The following EFR3A variants were observed in gnomAD, a reference collection of about 807,000 sequenced individuals.
EFR3A encodes protein EFR3 homolog A.
A neutral mutation model predicts 104.4 loss-of-function variants in EFR3A; 76 were observed. The ratio of observed to expected loss-of-function variants is 0.73; its 90% CI spans 0.60 to 0.88. The LOEUF is 0.88. Ranked by LOEUF, EFR3A falls within the 40% of genes least tolerant of loss-of-function variation. EFR3A has a pLI of 0.00. For synonymous variants in EFR3A, 330 were observed against 330.0 expected, an observed-to-expected ratio of 1.00 and a Z score of 0.00; for missense variants, 985 against 1,012.5, an observed-to-expected ratio of 0.97 and a Z score of 0.37.
intron 9 of EFR3A, among the ~76,000 whole-genome samples, chr8:131,968,707 T>C (rs6471018): frequency 0.87 from 132,351 of 152,138 alleles, 57,744 homozygotes; most frequent in East Asian, 0.94. Context: ...AATGCAGATA[T>C]AAGAAACTGA....
intron 8 of EFR3A, among the ~76,000 whole-genome samples, chr8:131,961,553 G>A (rs1475790988): frequency 2.0e-5 from 3 of 152,138 alleles, no homozygotes; most frequent in African/African-American, 7.2e-5. Flanking sequence ...AAGAAATATG[G>A]GACTACGTGA....
At chr8:132,008,746 A>G (rs1353641140) in intron 22 of EFR3A, among the ~76,000 whole-genome samples, 1 of 147,404 alleles carries the variant, frequency 6.8e-6, no homozygotes, top group Non-Finnish European at 1.5e-5. Context: ...GGGGTGATTG[A>G]AAGTGTTCAG....
intron 1 of EFR3A, among the ~76,000 whole-genome samples, chr8:131,939,360 T>G (rs2130547028): frequency 6.6e-6 from 1 of 152,242 alleles, no homozygotes; most frequent in Non-Finnish European, 1.5e-5. Flanking sequence ...ACTAGACACT[T>G]CACCATTTGC....
intron 22 of EFR3A, among the ~76,000 whole-genome samples, chr8:132,005,925 C>CCACA (rs1822022517): frequency 6.6e-6 from 1 of 152,050 alleles, no homozygotes; most frequent in African/African-American, 2.4e-5. Context: ...TGAGTATGTT[C>CCACA]TCTTGCCACA....
In EFR3A at chr8:131,979,714, C is replaced by T. The variant is rs192078184; in HGVS notation, c.1575+293C>T. Among the ~76,000 whole-genome samples the T allele has an allele frequency of 8.5e-5, 13 of 152,230 alleles. No homozygotes were observed. The East Asian group carries it at 1.5e-3, about 18-fold the overall frequency. ...GCAGTCCTCTCCCACTAAAAACACA[C>T]GTACTGATTCCTCTTTTAGCAGCTC... is the stretch of plus-strand genomic sequence containing the variant. On this transcript the variant is annotated intron_variant, in intron 14 of 22. Coordinates refer to ENST00000254624, the MANE Select transcript of EFR3A (RefSeq NM_015137.6).
At chr8:131,954,262 T>A (rs950487249) in intron 6 of EFR3A, among the ~76,000 whole-genome samples, 1 of 152,136 alleles carries the variant, frequency 6.6e-6, no homozygotes, top group African/African-American at 2.4e-5. Flanking sequence ...TAATGGATAC[T>A]ACTTAAAGTT....
intron 10 of EFR3A, among the ~76,000 whole-genome samples, chr8:131,974,005 G>T (rs751426766): frequency 2.0e-5 from 3 of 152,128 alleles, no homozygotes; most frequent in Non-Finnish European, 2.9e-5. Flanking sequence ...TAACATCAGA[G>T]ATAGTGGACT....
chr8:131,983,512 T>A (rs140387735), intron 14 of EFR3A, among the ~76,000 whole-genome samples: 1 of 152,040 alleles, frequency 6.6e-6, no homozygotes, highest in Non-Finnish European at 1.5e-5. Context: ...ATTATAATAA[T>A]AAATAATAAA....
At chr8:132,005,960 A>T (rs1204106297) in intron 22 of EFR3A, among the ~76,000 whole-genome samples, 5 of 152,238 alleles carry the variant, frequency 3.3e-5, no homozygotes, top group Non-Finnish European at 7.3e-5. Context: ...GCATTAACAC[A>T]TATCTAGAAA....
chr8:132,012,004 C>G lies in EFR3A; in HGVS notation c.*1109C>G, dbSNP rs1298505215. The G allele has an allele frequency of 6.6e-6, 1 of 152,130 alleles. No homozygotes were observed. The highest frequency in any genetic ancestry group is 1.5e-5 in the Non-Finnish European group (1 of 68,024). 9.4% of individuals were successfully genotyped at this position (152,130 alleles called of 1,614,324 possible). On this transcript the variant is annotated 3_prime_UTR_variant, in exon 23 of 23. Transcript: ENST00000254624. Reference sequence around the variant, plus strand: ...TTCAGCTACCAAGATCACAGGTGCACTCTACACATAACACTGACAGACCCA... The same window carrying G: ...TTCAGCTACCAAGATCACAGGTGCAGTCTACACATAACACTGACAGACCCA...
chr8:131,948,615 A>T (rs1284779498), intron 4 of EFR3A, among the ~76,000 whole-genome samples: 1 of 152,128 alleles, frequency 6.6e-6, no homozygotes, highest in East Asian at 1.9e-4. Context: ...AAAGTGGCTT[A>T]CTAGCTAGGG....
chr8:131,940,417 T>C, intron 1 of EFR3A, 82 bp from the exon 2 acceptor site: 2 of 1,313,298 alleles, frequency 1.5e-6, no homozygotes, highest in South Asian at 1.3e-5. Context: ...ATATAGCCCA[T>C]TAATATTCAG....
intron 7 of EFR3A, among the ~76,000 whole-genome samples, chr8:131,957,651 G>T (rs1055750384): frequency 2.0e-5 from 3 of 152,090 alleles, no homozygotes; most frequent in Non-Finnish European, 4.4e-5. Context: ...CACCCTGCCA[G>T]GGCCAGTATC....
intron 7 of EFR3A, among the ~76,000 whole-genome samples, chr8:131,956,258 T>C (rs1563661531): frequency 6.6e-6 from 1 of 152,210 alleles, no homozygotes. Flanking sequence ...TGGTCAGTTT[T>C]TCCTGGTCCC....
intron 8 of EFR3A, among the ~76,000 whole-genome samples, chr8:131,965,666 A>G (rs1330844562): frequency 1.3e-5 from 2 of 152,162 alleles, no homozygotes. Context: ...TTCCTCAGGG[A>G]TCTAGAACTA....
At chr8:131,966,532 A>G (rs1170453647) in intron 8 of EFR3A, among the ~76,000 whole-genome samples, 1 of 152,186 alleles carries the variant, frequency 6.6e-6, no homozygotes, top group Non-Finnish European at 1.5e-5. Flanking sequence ...AATAGACACA[A>G]TTTGGGTGCT....
At chr8:131,938,448 A>G (rs1239893672) in intron 1 of EFR3A, 2 of 383,244 alleles carry the variant, frequency 5.2e-6, no homozygotes, top group Non-Finnish European at 9.2e-6. Context: ...TGTCTTTGAT[A>G]TAATTTTATA....
At chr8:131,911,563 C>G (rs117553613) in intron 1 of EFR3A, among the ~76,000 whole-genome samples, 3 of 152,276 alleles carry the variant, frequency 2.0e-5, no homozygotes, top group Non-Finnish European at 4.4e-5. Context: ...CCCCTTTGCC[C>G]TCTGAAGGTT....
intron 22 of EFR3A, 101 bp downstream of exon 22, chr8:132,003,386 A>T: frequency 1.9e-6 from 2 of 1,047,378 alleles, no homozygotes; most frequent in Non-Finnish European, 2.9e-6. Context: ...TTATCATGTT[A>T]AAGTAATGCT....
Sources: allele counts gnomAD v4.1 joint callset (sites outside exome capture counted in the v4.1 genomes callset), GRCh38; gene constraint gnomAD v4.1.1; transcripts MANE v1.5; gene names NCBI Gene and HGNC (gene_info 2026-07-23, HGNC 2026-07-21).